The following MGAT4A variants were observed in gnomAD, a reference collection of about 807,000 sequenced individuals.
MGAT4A encodes the protein N-acetylglucosaminyltransferase IVa.
In MGAT4A, 33 loss-of-function variants were observed where a neutral mutation model predicts 74.1. The observed-to-expected ratio is 0.45, with a 90% CI of 0.34 to 0.60. The LOEUF (loss-of-function observed/expected upper bound fraction) is 0.60. MGAT4A is among the 20% of genes least tolerant of loss of function. The pLI, the probability that MGAT4A is intolerant of heterozygous loss-of-function variation, is 0.02. For synonymous variants in MGAT4A, 198 were observed against 210.4 expected (o/e 0.94, Z 0.51); for missense variants, 479 against 628.3 (o/e 0.76, Z 2.54).
intron 4 of MGAT4A, among the ~76,000 whole-genome samples, chr2:98,670,916 A>G (rs905130739): frequency 6.6e-6 from 1 of 152,186 alleles, no homozygotes; most frequent in Non-Finnish European, 1.5e-5. Flanking sequence ...TAAATATCCA[A>G]CTGCCTACTC....
rs1244619552 is a variant in MGAT4A at position 98,625,235 on chromosome 2, A to C, written c.*331T>G. Reference sequence around the variant, plus strand: ...AACCTCAAAAGTACCCCCTTCATAAAATGTATGTAACATTAGTTTTTCTCA... The same window carrying C: ...AACCTCAAAAGTACCCCCTTCATAACATGTATGTAACATTAGTTTTTCTCA... On this transcript the variant is annotated 3_prime_UTR_variant, in exon 16 of 16. Coordinates refer to ENST00000393487, the MANE Select transcript of MGAT4A (RefSeq NM_012214.3). 1.1e-6 allele frequency: 1 copy of C among 913,250 alleles called. No individual in the cohort carries two copies. The highest frequency in any genetic ancestry group is 1.8e-5 in the African/African-American group (1 of 55,650). 56.6% of individuals were successfully genotyped at this position (913,250 alleles called of 1,614,324 possible).
chr2:98,623,050 G>T lies in MGAT4A; in HGVS notation c.*2516C>A. ...ATACAAAATGATAAAAAGAGAAAGA[G>T]GAGGGCAGGCTGGAATAATTGGTCT... On this transcript the variant is annotated 3_prime_UTR_variant, in exon 16 of 16. Transcript: ENST00000393487. The T allele has an allele frequency of 1.0e-6, 1 of 985,620 alleles. No homozygotes were observed. The highest frequency in any genetic ancestry group is 4.7e-5 in the South Asian group (1 of 21,270). 61.1% of individuals were successfully genotyped at this position (985,620 alleles called of 1,614,324 possible). A position where few individuals can be genotyped will look rare whatever the true frequency, so the allele number is the denominator to read the frequency against.
In MGAT4A at chr2:98,672,642, C is replaced by CAT. The variant is rs1701926813; in HGVS notation, c.403+2392_403+2393insAT. On this transcript the variant is annotated intron_variant, in intron 4 of 15. Transcript: ENST00000393487. ...TTGTTCACTCCTTCTGAAATGACTACCAGATGAACATTAAAACTTTTGTCT... is the reference window on the plus strand; with the variant it reads ...TTGTTCACTCCTTCTGAAATGACTACATCAGATGAACATTAAAACTTTTGTCT... 5.9e-5 allele frequency among the ~76,000 whole-genome samples: 9 copies of CAT among 152,330 alleles called. No individual in the cohort carries two copies. In the South Asian group the frequency reaches 1.9e-3, roughly 32 times the overall value.
chr2:98,698,884 CTTTTT>C (rs1702312610), intron 2 of MGAT4A, among the ~76,000 whole-genome samples: 1 of 152,158 alleles, frequency 6.6e-6, no homozygotes, highest in African/African-American at 2.4e-5. Context: ...TCTTTAGCTC[CTTTTT>C]ATCTTGTTAA....
chr2:98,636,622 A>T, intron 12 of MGAT4A, 27 bp from the exon 13 acceptor site: 1 of 1,584,390 alleles, frequency 6.3e-7, no homozygotes, highest in Non-Finnish European at 8.7e-7. Flanking sequence ...CAAAATAAAA[A>T]CACAAGTCGG....
At chr2:98,655,581 T>C in intron 7 of MGAT4A, 61 bp from the exon 8 acceptor site, 2 of 1,157,690 alleles carry the variant, frequency 1.7e-6, no homozygotes, top group African/African-American at 3.1e-5. Context: ...TAAAATAAGA[T>C]TAAATGTATA....
intron 2 of MGAT4A, among the ~76,000 whole-genome samples, chr2:98,691,866 C>G (rs1485896543): frequency 6.6e-6 from 1 of 152,098 alleles, no homozygotes; most frequent in East Asian, 1.9e-4. Flanking sequence ...AACTGATGAT[C>G]CTGACCCTCT....
At chr2:98,643,513 C>G (rs1701442626) in intron 10 of MGAT4A, among the ~76,000 whole-genome samples, 1 of 152,174 alleles carries the variant, frequency 6.6e-6, no homozygotes, top group Non-Finnish European at 1.5e-5. Context: ...AATATTACTT[C>G]TATTTTATTC....
intron 2 of MGAT4A, among the ~76,000 whole-genome samples, chr2:98,716,913 C>A (rs1423286876): frequency 1.3e-5 from 2 of 152,066 alleles, no homozygotes; most frequent in African/African-American, 2.4e-5. Flanking sequence ...CCAAAAAAAA[C>A]CAGTTTGTAT....
Position 98,638,301 on chromosome 2 carries a change from A to G in MGAT4A, c.1322+1507T>C, listed in dbSNP as rs186483361. Among the ~76,000 whole-genome samples the G allele has an allele frequency of 3.6e-4, 55 of 152,340 alleles. 1 individual carries two copies. Among genetic ancestry groups the G allele is most frequent in the African/African-American group, 1.2e-3 (49 of 41,582 alleles). ...TAATCTATAATTCTATACTCTCTAT[A>G]TAGAATGCTATATATTCTAGAATCC... On this transcript the variant is annotated intron_variant, in intron 12 of 15. Transcript: ENST00000393487.
chr2:98,714,376 C>G (rs528833083), intron 2 of MGAT4A, among the ~76,000 whole-genome samples: 1 of 152,140 alleles, frequency 6.6e-6, no homozygotes, highest in African/African-American at 2.4e-5. Flanking sequence ...CATGAGCCAC[C>G]GCATCCTGCC....
chr2:98,669,241 G>A (rs1359689914), intron 4 of MGAT4A, among the ~76,000 whole-genome samples: 1 of 152,084 alleles, frequency 6.6e-6, no homozygotes, highest in Non-Finnish European at 1.5e-5. Context: ...GACCCGGTGG[G>A]AGGTAATTGA....
At chr2:98,634,250 A>G (rs1701284651) in intron 14 of MGAT4A, among the ~76,000 whole-genome samples, 1 of 152,182 alleles carries the variant, frequency 6.6e-6, no homozygotes, top group Non-Finnish European at 1.5e-5. Flanking sequence ...CACACAGCAA[A>G]GGCACATACG....
chr2:98,673,998 TG>T (rs564805582), intron 4 of MGAT4A, among the ~76,000 whole-genome samples: 50 of 152,354 alleles, frequency 3.3e-4, no homozygotes, highest in African/African-American at 1.1e-3. Context: ...AAAGGAAAGA[TG>T]GAGTTTGTCT....
chr2:98,715,579 G>A (rs1702580890), intron 2 of MGAT4A, among the ~76,000 whole-genome samples: 1 of 152,168 alleles, frequency 6.6e-6, no homozygotes, highest in African/African-American at 2.4e-5. Context: ...GTCCTCATAA[G>A]TGGCAGCTAA....
chr2:98,714,036 T>A (rs1207267481), intron 2 of MGAT4A, among the ~76,000 whole-genome samples: 2 of 152,260 alleles, frequency 1.3e-5, no homozygotes, highest in African/African-American at 2.4e-5. Flanking sequence ...CTGAAACTAC[T>A]GTACATATAT....
chr2:98,663,885 G>C (rs1701789098), intron 4 of MGAT4A, among the ~76,000 whole-genome samples: 1 of 152,082 alleles, frequency 6.6e-6, no homozygotes, highest in Non-Finnish European at 1.5e-5. Context: ...CTATACTATG[G>C]TCATGTAGGG....
intron 2 of MGAT4A, among the ~76,000 whole-genome samples, chr2:98,688,262 T>C (rs759555283): frequency 4.6e-5 from 7 of 152,118 alleles, no homozygotes; most frequent in Non-Finnish European, 8.8e-5. Context: ...AAAAAAAGAA[T>C]ATAACTCATT....
intron 2 of MGAT4A, among the ~76,000 whole-genome samples, chr2:98,717,026 G>C (rs1238650733): frequency 1.3e-5 from 2 of 152,098 alleles, no homozygotes; most frequent in Non-Finnish European, 1.5e-5. Context: ...AATCTAACCA[G>C]ATAAATCATC....
Sources: gnomAD v4.1 joint callset for allele counts (sites outside exome capture counted in the v4.1 genomes callset) on GRCh38, gnomAD v4.1.1 for gene constraint, MANE v1.5 for transcripts, NCBI Gene and HGNC (gene_info 2026-07-23, HGNC 2026-07-21) for gene names.